The following PTPRR variants were observed in gnomAD, a reference collection of about 807,000 sequenced individuals.
The protein encoded by PTPRR is protein tyrosine phosphatase receptor type R, also known as receptor-type tyrosine-protein phosphatase R.
Under a neutral mutation model 77.2 loss-of-function variants are expected in PTPRR, and 38 were observed. The observed-to-expected ratio is 0.49, with a 90% CI of 0.38 to 0.65. The LOEUF is 0.65. Ranked by LOEUF, PTPRR falls within the 30% of genes least tolerant of loss-of-function variation. The pLI, the probability that PTPRR is intolerant of heterozygous loss-of-function variation, is 0.00. For synonymous variants in PTPRR, 299 were observed against 283.1 expected (o/e 1.06, Z -0.57); for missense variants, 744 against 799.2 (o/e 0.93, Z 0.83).
chr12:70,792,392 G>A (rs1592760510), intron 2 of PTPRR, among the ~76,000 whole-genome samples: 1 of 152,074 alleles, frequency 6.6e-6, no homozygotes, highest in East Asian at 1.9e-4. Context: ...TATGTCATGT[G>A]GCTACTCTTC....
intron 4 of PTPRR, among the ~76,000 whole-genome samples, chr12:70,760,724 T>C (rs1419297951): frequency 2.6e-5 from 4 of 152,236 alleles, no homozygotes; most frequent in African/African-American, 9.6e-5. Context: ...CTATGGGCCA[T>C]ACTTTCTGTA....
intron 10 of PTPRR, chr12:70,672,367 A>T: frequency 7.3e-7 from 1 of 1,368,690 alleles, no homozygotes; most frequent in East Asian, 2.3e-5. Flanking sequence ...TGGTCCTCCC[A>T]TCAGAGAGCC....
chr12:70,865,290 G>A (rs1340231243), intron 2 of PTPRR, among the ~76,000 whole-genome samples: 1 of 97,240 alleles, frequency 1.0e-5, no homozygotes, highest in African/African-American at 2.7e-5. Context: ...AGTCTCAGGT[G>A]TATCTTTATC....
chr12:70,678,342 G>C (rs927147656), intron 10 of PTPRR, among the ~76,000 whole-genome samples: 2 of 152,094 alleles, frequency 1.3e-5, no homozygotes, highest in African/African-American at 4.8e-5. Context: ...CACCCGGCCA[G>C]GATAGGTTCT....
At chr12:70,665,651 G>A (rs1383599113) in intron 10 of PTPRR, among the ~76,000 whole-genome samples, 1 of 151,278 alleles carries the variant, frequency 6.6e-6, no homozygotes, top group Non-Finnish European at 1.5e-5. Flanking sequence ...CAAAGTCCTG[G>A]GATTATAGGC....
chr12:70,843,594 CTG>C (rs1267148682), intron 2 of PTPRR, among the ~76,000 whole-genome samples: 2 of 152,128 alleles, frequency 1.3e-5, no homozygotes, highest in Non-Finnish European at 2.9e-5. Flanking sequence ...CCTAGTAAGA[CTG>C]TATGATTCTG....
intron 8 of PTPRR, among the ~76,000 whole-genome samples, chr12:70,691,393 T>A (rs1042752772): frequency 1.3e-5 from 2 of 152,182 alleles, no homozygotes; most frequent in African/African-American, 4.8e-5. Context: ...CTCTTTCCAA[T>A]CTCCTGCTCA....
At chr12:70,750,261 T>C (rs1033338414) in intron 5 of PTPRR, among the ~76,000 whole-genome samples, 28 of 152,200 alleles carry the variant, frequency 1.8e-4, no homozygotes, top group African/African-American at 6.8e-4. Flanking sequence ...TACAGCAATT[T>C]ACCTATATAA....
chr12:70,854,096 C>A (rs1007661309), intron 2 of PTPRR, among the ~76,000 whole-genome samples: 2 of 152,086 alleles, frequency 1.3e-5, no homozygotes, highest in Admixed American at 6.5e-5. Context: ...AAATTGCATG[C>A]CAGCAAGGAA....
intron 6 of PTPRR, among the ~76,000 whole-genome samples, chr12:70,720,102 C>T (rs550038821): frequency 1.1e-3 from 175 of 152,206 alleles, no homozygotes; most frequent in African/African-American, 4.0e-3. Flanking sequence ...TTCCATTCCT[C>T]CACTGAAAAA....
intron 6 of PTPRR, among the ~76,000 whole-genome samples, chr12:70,707,124 T>C (rs1318559408): frequency 6.6e-6 from 1 of 152,138 alleles, no homozygotes; most frequent in Non-Finnish European, 1.5e-5. Flanking sequence ...TCAATGGTCG[T>C]CTAAGTTGGG....
chr12:70,805,320 G>GTA (rs1347115428), intron 2 of PTPRR, among the ~76,000 whole-genome samples: 1 of 151,378 alleles, frequency 6.6e-6, no homozygotes, highest in Admixed American at 6.6e-5. Flanking sequence ...ATATGTATAT[G>GTA]TATATATATA....
chr12:70,734,767 G>C (rs1438359588), intron 6 of PTPRR, among the ~76,000 whole-genome samples: 1 of 152,168 alleles, frequency 6.6e-6, no homozygotes, highest in Admixed American at 6.5e-5. Context: ...AAACATTTCA[G>C]GGTCTGCTTG....
rs1490341800 is a variant in PTPRR, at chr12:70,714,204, A to G, written c.1008-12881T>C. On this transcript the variant is annotated intron_variant, in intron 6 of 13. Coordinates refer to ENST00000283228, the MANE Select transcript of PTPRR (RefSeq NM_002849.4). ...TATTGAATAGACATATCTATGATATAAATATCTATTAATTCAAAGAAAACA... is the reference window on the plus strand; with the variant it reads ...TATTGAATAGACATATCTATGATATGAATATCTATTAATTCAAAGAAAACA... Among the ~76,000 whole-genome samples the G allele has an allele frequency of 3.9e-5, 6 of 152,308 alleles. No homozygotes were observed. The South Asian group carries it at 1.0e-3, about 26-fold the overall frequency.
At chr12:70,853,585 T>C (rs1592793886) in intron 2 of PTPRR, among the ~76,000 whole-genome samples, 1 of 152,190 alleles carries the variant, frequency 6.6e-6, no homozygotes, top group African/African-American at 2.4e-5. Context: ...TCAATCTTGG[T>C]CTCGGACTTG....
intron 2 of PTPRR, among the ~76,000 whole-genome samples, chr12:70,817,849 T>G (rs1396612025): frequency 6.6e-6 from 1 of 152,248 alleles, no homozygotes; most frequent in East Asian, 1.9e-4. Context: ...TTTATAGCTT[T>G]AATAGCTTTC....
intron 2 of PTPRR, among the ~76,000 whole-genome samples, chr12:70,834,976 G>A (rs1204336083): frequency 6.6e-6 from 1 of 152,052 alleles, no homozygotes; most frequent in Non-Finnish European, 1.5e-5. Flanking sequence ...ACTTGGGTTT[G>A]ATACTTACCC....
chr12:70,656,656 G>T, intron 13 of PTPRR, 48 bp downstream of exon 13: 1 of 1,287,798 alleles, frequency 7.8e-7, no homozygotes, highest in Non-Finnish European at 1.1e-6. Flanking sequence ...ATGAGATCAG[G>T]CTGTGAATGA....
intron 2 of PTPRR, among the ~76,000 whole-genome samples, chr12:70,869,823 A>G (rs1485318885): frequency 6.6e-6 from 1 of 152,218 alleles, no homozygotes; most frequent in Non-Finnish European, 1.5e-5. Context: ...TTAGCCTTGT[A>G]GACACCTTGA....
Sources: gnomAD v4.1 joint callset for allele counts (sites outside exome capture counted in the v4.1 genomes callset) on GRCh38, gnomAD v4.1.1 for gene constraint, MANE v1.5 for transcripts, NCBI Gene and HGNC (gene_info 2026-07-23, HGNC 2026-07-21) for gene names.